The following HS6ST3 variants were observed in gnomAD, a reference collection of about 807,000 sequenced individuals.
The protein encoded by HS6ST3 is heparan-sulfate 6-O-sulfotransferase 3.
A neutral mutation model predicts 36.7 loss-of-function variants in HS6ST3; 12 were observed. The ratio of observed to expected loss-of-function variants is 0.33; its 90% CI spans 0.21 to 0.53. The LOEUF (loss-of-function observed/expected upper bound fraction) is 0.53, where lower values mean the gene tolerates loss of function less well. HS6ST3 is among the 20% of genes least tolerant of loss of function. HS6ST3 has a pLI of 0.95. For synonymous variants in HS6ST3, 240 were observed against 257.5 expected (o/e 0.93, Z 0.65); for missense variants, 584 against 640.9 (o/e 0.91, Z 0.96).
At chr13:96,154,543 T>A (rs911279202) in intron 1 of HS6ST3, among the ~76,000 whole-genome samples, 1 of 152,142 alleles carries the variant, frequency 6.6e-6, no homozygotes, top group Non-Finnish European at 1.5e-5. Flanking sequence ...AATTCTAATA[T>A]TCTTACTCTT....
intron 1 of HS6ST3, among the ~76,000 whole-genome samples, chr13:96,341,271 G>A (rs1414391099): frequency 6.6e-6 from 1 of 151,988 alleles, no homozygotes; most frequent in Non-Finnish European, 1.5e-5. Context: ...TTAAACTTGA[G>A]GCATACTTTT....
At chr13:96,770,216 A>T (rs9284173) in intron 1 of HS6ST3, among the ~76,000 whole-genome samples, 37 of 152,260 alleles carry the variant, frequency 2.4e-4, no homozygotes, top group Admixed American at 1.0e-3. Flanking sequence ...TTGGTTCTGA[A>T]TGTTGGCTTT....
chr13:96,806,471 T>C (rs1449021072), intron 1 of HS6ST3, among the ~76,000 whole-genome samples: 1 of 152,166 alleles, frequency 6.6e-6, no homozygotes, highest in Non-Finnish European at 1.5e-5. Flanking sequence ...CATGTGGAAA[T>C]GTGTCTCCTT....
Position 96,579,267 on chromosome 13 carries a change from A to G in HS6ST3, c.708-253223A>G, listed in dbSNP as rs939766529. Reference sequence around the variant, plus strand: ...ACTGTTGATGTTATTTTCTATAGGGATTCTGGAGCCTAGGGAGCTATGTGG... The same window carrying G: ...ACTGTTGATGTTATTTTCTATAGGGGTTCTGGAGCCTAGGGAGCTATGTGG... On this transcript the variant is annotated intron_variant, in intron 1 of 1. Coordinates refer to ENST00000376705, the MANE Select transcript of HS6ST3 (RefSeq NM_153456.4). Among the ~76,000 whole-genome samples the G allele has an allele frequency of 2.6e-5, 4 of 152,042 alleles. No individual in the cohort carries two copies. In the South Asian group the frequency reaches 6.2e-4, roughly 24 times the overall value.
intron 1 of HS6ST3, among the ~76,000 whole-genome samples, chr13:96,652,261 C>T (rs2056610038): frequency 6.6e-6 from 1 of 152,024 alleles, no homozygotes; most frequent in Admixed American, 6.6e-5. Context: ...CATCTGTGTG[C>T]ATACTAGTGT....
At chr13:96,446,556 GT>G (rs1238356453) in intron 1 of HS6ST3, among the ~76,000 whole-genome samples, 1 of 152,188 alleles carries the variant, frequency 6.6e-6, no homozygotes, top group Admixed American at 6.5e-5. Flanking sequence ...CACAGGTGTT[GT>G]TCAGCACTCC....
chr13:96,786,969 A>G (rs900109069), intron 1 of HS6ST3, among the ~76,000 whole-genome samples: 9 of 152,174 alleles, frequency 5.9e-5, no homozygotes, highest in Admixed American at 3.3e-4. Context: ...CTAAATTTGG[A>G]ATCACATAAT....
chr13:96,737,196 T>G (rs1395681989), intron 1 of HS6ST3, among the ~76,000 whole-genome samples: 1 of 151,900 alleles, frequency 6.6e-6, no homozygotes, highest in East Asian at 1.9e-4. Context: ...ACAAATGCAG[T>G]GGAAATTAAA....
intron 1 of HS6ST3, among the ~76,000 whole-genome samples, chr13:96,110,471 C>G (rs2053862889): frequency 1.3e-5 from 2 of 148,420 alleles, no homozygotes; most frequent in Admixed American, 1.4e-4. Context: ...GTGTCTCACT[C>G]TGTCGCCCAG....
chr13:96,809,155 T>A (rs559976468), intron 1 of HS6ST3, among the ~76,000 whole-genome samples: 2 of 152,204 alleles, frequency 1.3e-5, no homozygotes, highest in Non-Finnish European at 2.9e-5. Context: ...AAGTTCATCA[T>A]GTTTGAGTTA....
At chr13:96,555,587 T>C (rs939858145) in intron 1 of HS6ST3, among the ~76,000 whole-genome samples, 1 of 152,208 alleles carries the variant, frequency 6.6e-6, no homozygotes, top group Non-Finnish European at 1.5e-5. Flanking sequence ...TCAGGGCTTG[T>C]CTACAACATG....
intron 1 of HS6ST3, among the ~76,000 whole-genome samples, chr13:96,333,948 G>A (rs1424226540): frequency 6.6e-6 from 1 of 152,076 alleles, no homozygotes; most frequent in Non-Finnish European, 1.5e-5. Context: ...GTTCTCTGTG[G>A]GTTGGCTTAT....
At chr13:96,593,634 T>G (rs1282307495) in intron 1 of HS6ST3, among the ~76,000 whole-genome samples, 1 of 151,846 alleles carries the variant, frequency 6.6e-6, no homozygotes, top group Non-Finnish European at 1.5e-5. Flanking sequence ...TGCTTGATTC[T>G]TTTTACTTAT....
intron 1 of HS6ST3, among the ~76,000 whole-genome samples, chr13:96,711,450 A>G (rs1052320535): frequency 6.6e-6 from 1 of 152,208 alleles, no homozygotes. Flanking sequence ...TAACATCTAG[A>G]TGCATTTTTA....
intron 1 of HS6ST3, among the ~76,000 whole-genome samples, chr13:96,551,351 C>T (rs1053124474): frequency 2.0e-5 from 3 of 152,080 alleles, no homozygotes; most frequent in Non-Finnish European, 4.4e-5. Flanking sequence ...TCTTTCTGAG[C>T]ATTGAGATAG....
At chr13:96,119,000 G>A (rs997423548) in intron 1 of HS6ST3, among the ~76,000 whole-genome samples, 27 of 151,878 alleles carry the variant, frequency 1.8e-4, no homozygotes, top group Non-Finnish European at 3.5e-4. Flanking sequence ...GTGAGCCACC[G>A]CGCCCGGCCA....
intron 1 of HS6ST3, among the ~76,000 whole-genome samples, chr13:96,265,095 C>A (rs994845077): frequency 4.0e-5 from 6 of 151,572 alleles, no homozygotes; most frequent in African/African-American, 9.7e-5. Context: ...TGTTACCCTG[C>A]AAAGAAAAAA....
chr13:96,444,225 T>A (rs2139481934), intron 1 of HS6ST3, among the ~76,000 whole-genome samples: 1 of 152,294 alleles, frequency 6.6e-6, no homozygotes, highest in African/African-American at 2.4e-5. Flanking sequence ...AATTCTCAAA[T>A]GTGGCAGGCA....
intron 1 of HS6ST3, among the ~76,000 whole-genome samples, chr13:96,369,636 A>G (rs1389293431): frequency 6.6e-6 from 1 of 152,150 alleles, no homozygotes; most frequent in Non-Finnish European, 1.5e-5. Context: ...GCAGACACAC[A>G]ACAAGACTGA....
Sources: gnomAD v4.1 joint callset for allele counts (sites outside exome capture counted in the v4.1 genomes callset) on GRCh38, gnomAD v4.1.1 for gene constraint, MANE v1.5 for transcripts, NCBI Gene and HGNC (gene_info 2026-07-23, HGNC 2026-07-21) for gene names.